Variants in NCKAP5 observed in about 807,000 individuals in gnomAD.
NCKAP5 encodes the protein nck-associated protein 5.
A neutral mutation model predicts 167.0 loss-of-function variants in NCKAP5; 92 were observed. The ratio of observed to expected loss-of-function variants is 0.55; its 90% CI spans 0.47 to 0.66. The LOEUF is 0.66. Ranked by LOEUF, NCKAP5 falls within the 30% of genes least tolerant of loss-of-function variation. The pLI, the probability that NCKAP5 is intolerant of heterozygous loss-of-function variation, is 0.00. For synonymous variants in NCKAP5, 891 were observed against 877.4 expected, an observed-to-expected ratio of 1.02 and a Z score of -0.27; for missense variants, 2,378 against 2,315.0, an observed-to-expected ratio of 1.03 and a Z score of -0.56.
chr2:133,009,729 A>C (rs976472597), intron 6 of NCKAP5, among the ~76,000 whole-genome samples: 12 of 152,208 alleles, frequency 7.9e-5, no homozygotes, highest in African/African-American at 1.2e-4. Context: ...TAATGTATTA[A>C]GAGCCAGAAG....
At chr2:133,458,432 T>A (rs1245895880) in intron 3 of NCKAP5, among the ~76,000 whole-genome samples, 1 of 152,072 alleles carries the variant, frequency 6.6e-6, no homozygotes, top group African/African-American at 2.4e-5. Flanking sequence ...GGCATCTAGA[T>A]GGTTCATGTG....
At chr2:132,702,456 A>G (rs899058310) in intron 19 of NCKAP5, among the ~76,000 whole-genome samples, 4 of 152,156 alleles carry the variant, frequency 2.6e-5, no homozygotes, top group African/African-American at 9.7e-5. Flanking sequence ...GATCAACTTA[A>G]AGGGGCAAGA....
the NCKAP5 span, among the ~76,000 whole-genome samples, chr2:133,609,878 A>G: frequency 6.6e-6 from 1 of 152,220 alleles, no homozygotes; most frequent in Non-Finnish European, 1.5e-5. Context: ...AAACAGCAAT[A>G]ATAAGTAAGG....
At chr2:133,579,650 G>GA in the NCKAP5 span, among the ~76,000 whole-genome samples, 3 of 152,174 alleles carry the variant, frequency 2.0e-5, no homozygotes, top group Non-Finnish European at 2.9e-5. Context: ...ACAGAGATAG[G>GA]AAATAAAACT....
intron 6 of NCKAP5, among the ~76,000 whole-genome samples, chr2:133,119,565 T>A (rs145271198): frequency 5.9e-5 from 9 of 152,266 alleles, no homozygotes; most frequent in African/African-American, 9.6e-5. Flanking sequence ...AGATAAATAT[T>A]TAAGGTGGTA....
At chr2:132,726,860 G>A (rs1217821772) in intron 18 of NCKAP5, among the ~76,000 whole-genome samples, 1 of 152,154 alleles carries the variant, frequency 6.6e-6, no homozygotes, top group Non-Finnish European at 1.5e-5. Flanking sequence ...GTCTAGCAAG[G>A]ACTAAGTCCA....
At chr2:132,794,648 TACACACACACAC>T (rs4057986) in intron 12 of NCKAP5, among the ~76,000 whole-genome samples, 31 of 142,582 alleles carry the variant, frequency 2.2e-4, no homozygotes, top group African/African-American at 7.0e-4. Flanking sequence ...CAACAACAAA[TACACACACACAC>T]ACACACACAC....
intron 11 of NCKAP5, among the ~76,000 whole-genome samples, chr2:132,799,621 G>A (rs1482464876): frequency 6.6e-6 from 1 of 151,916 alleles, no homozygotes; most frequent in African/African-American, 2.4e-5. Context: ...GACAGTTGGT[G>A]GTAGGTAACT....
intron 8 of NCKAP5, among the ~76,000 whole-genome samples, chr2:132,896,050 G>C (rs974959305): frequency 6.6e-6 from 1 of 152,086 alleles, no homozygotes; most frequent in Admixed American, 6.6e-5. Flanking sequence ...CAGGAGTATC[G>C]CTTGAACCCA....
At chr2:133,144,446 G>A (rs1194394851) in intron 5 of NCKAP5, among the ~76,000 whole-genome samples, 1 of 152,030 alleles carries the variant, frequency 6.6e-6, no homozygotes, top group Admixed American at 6.6e-5. Flanking sequence ...TTTCCAGGAG[G>A]TGACATTCCC....
chr2:133,054,790 C>A (rs2079736495), intron 6 of NCKAP5, among the ~76,000 whole-genome samples: 1 of 152,166 alleles, frequency 6.6e-6, no homozygotes, highest in Admixed American at 6.5e-5. Flanking sequence ...TCTTGGCAAT[C>A]AGATGTCCAG....
chr2:133,245,513 T>C (rs762994538), intron 4 of NCKAP5, among the ~76,000 whole-genome samples: 1 of 152,114 alleles, frequency 6.6e-6, no homozygotes, highest in Non-Finnish European at 1.5e-5. Flanking sequence ...ATGGAGTGAA[T>C]TCTTGGATTC....
rs4057986 is a variant in NCKAP5 at position 132,794,648 on chromosome 2, T to TACACACACACACACACACAC, written c.909+1960_909+1979dup. Among the ~76,000 whole-genome samples the TACACACACACACACACACAC allele has an allele frequency of 5.6e-5, 8 of 142,582 alleles. 1 individual carries two copies. The East Asian group carries it at 6.6e-4, about 12-fold the overall frequency. 93.5% of individuals were successfully genotyped at this position (142,582 alleles called of 152,430 possible). A position where few individuals can be genotyped will look rare whatever the true frequency, so the allele number is the denominator to read the frequency against. ...GAGACTTCATCTCAACAACAACAAATACACACACACACACACACACACACA... is the reference window on the plus strand; with the variant it reads ...GAGACTTCATCTCAACAACAACAAATACACACACACACACACACACACACACACACACACACACACACACA... On this transcript the variant is annotated intron_variant, in intron 12 of 19. Coordinates refer to ENST00000409261, the MANE Select transcript of NCKAP5 (RefSeq NM_207363.3).
At chr2:133,605,329 T>G in the NCKAP5 span, among the ~76,000 whole-genome samples, 1 of 151,940 alleles carries the variant, frequency 6.6e-6, no homozygotes, top group Admixed American at 6.6e-5. Context: ...TTGCCTTGGG[T>G]GAGGGGAGGT....
At chr2:133,633,387 A>G in the NCKAP5 span, among the ~76,000 whole-genome samples, 1 of 152,196 alleles carries the variant, frequency 6.6e-6, no homozygotes, top group Non-Finnish European at 1.5e-5. Flanking sequence ...GGCATGAGAG[A>G]GGAAAGTCTG....
chr2:132,764,578 G>C (rs548329211), intron 16 of NCKAP5, among the ~76,000 whole-genome samples: 1 of 152,134 alleles, frequency 6.6e-6, no homozygotes, highest in South Asian at 2.1e-4. Flanking sequence ...ATTACTACAG[G>C]ATCTGAACCA....
chr2:133,120,136 G>A (rs950155626), intron 6 of NCKAP5, among the ~76,000 whole-genome samples: 19 of 152,128 alleles, frequency 1.2e-4, no homozygotes, highest in Non-Finnish European at 8.8e-5. Context: ...GCAAATGACA[G>A]GTGAAAACCT....
At chr2:133,286,170 T>C (rs76831824) in intron 4 of NCKAP5, among the ~76,000 whole-genome samples, 1 of 151,950 alleles carries the variant, frequency 6.6e-6, no homozygotes, top group Non-Finnish European at 1.5e-5. Context: ...TAATTTTTTT[T>C]GTATTTTTTA....
At chr2:132,950,109 G>T (rs550501938) in intron 8 of NCKAP5, among the ~76,000 whole-genome samples, 37 of 151,970 alleles carry the variant, frequency 2.4e-4, no homozygotes, top group Non-Finnish European at 4.9e-4. Context: ...CAATAAAAAA[G>T]AAAAAGAAAA....
Sources: allele counts gnomAD v4.1 joint callset (sites outside exome capture counted in the v4.1 genomes callset), GRCh38; gene constraint gnomAD v4.1.1; transcripts MANE v1.5; gene names NCBI Gene and HGNC (gene_info 2026-07-23, HGNC 2026-07-21).